The following IL16 variants were observed in gnomAD, a reference collection of about 807,000 sequenced individuals.
The protein encoded by IL16 is pro-interleukin-16.
A neutral mutation model predicts 110.1 loss-of-function variants in IL16; 67 were observed. That is an observed-to-expected ratio of 0.61 (90% CI 0.50 to 0.75). The LOEUF is 0.75. Ranked by LOEUF, IL16 falls within the 30% of genes least tolerant of loss-of-function variation. The pLI is 0.00. For synonymous variants in IL16, 689 were observed against 662.9 expected (o/e 1.04, Z -0.61); for missense variants, 1,545 against 1,655.0 (o/e 0.93, Z 1.15).
intron 3 of IL16, among the ~76,000 whole-genome samples, chr15:81,261,521 A>G (rs922644588): frequency 1.3e-5 from 2 of 152,106 alleles, no homozygotes; most frequent in African/African-American, 2.4e-5. Context: ...GTGCCCCTCT[A>G]TGACAGTAAA....
At chr15:81,295,450 T>C (rs1303113279) in intron 12 of IL16, 2 of 1,289,466 alleles carry the variant, frequency 1.6e-6, no homozygotes, top group South Asian at 1.2e-5. Context: ...TGGTATCACA[T>C]GTGGCTGCCT....
intron 1 of IL16, among the ~76,000 whole-genome samples, chr15:81,210,877 A>G (rs1278041271): frequency 6.6e-6 from 1 of 152,056 alleles, no homozygotes; most frequent in Admixed American, 6.6e-5. Flanking sequence ...TTCCAGTACT[A>G]TGTTGAATAG....
chr15:81,249,284 T>C (rs1333713719), intron 2 of IL16, among the ~76,000 whole-genome samples: 1 of 152,212 alleles, frequency 6.6e-6, no homozygotes, highest in African/African-American at 2.4e-5. Context: ...ATATCAACTC[T>C]TTCTTTTAAT....
intron 10 of IL16, among the ~76,000 whole-genome samples, chr15:81,287,448 G>T (rs978755982): frequency 6.6e-6 from 1 of 152,198 alleles, no homozygotes; most frequent in African/African-American, 2.4e-5. Flanking sequence ...CCTGCTGTTG[G>T]TGAGAGCTCT....
intron 11 of IL16, among the ~76,000 whole-genome samples, chr15:81,291,274 T>C (rs1899704923): frequency 6.6e-6 from 1 of 152,224 alleles, no homozygotes; most frequent in Non-Finnish European, 1.5e-5. Context: ...GTTTATTATT[T>C]CTACCCACCC....
At chr15:81,260,078 G>A (rs999301879) in intron 3 of IL16, among the ~76,000 whole-genome samples, 198 bp downstream of exon 3, 1 of 152,168 alleles carries the variant, frequency 6.6e-6, no homozygotes, top group Non-Finnish European at 1.5e-5. Context: ...GGCTCCAAGT[G>A]CCATGCTGGA....
intron 1 of IL16, among the ~76,000 whole-genome samples, chr15:81,216,583 C>A (rs953020914): frequency 2.6e-5 from 4 of 152,172 alleles, no homozygotes; most frequent in African/African-American, 9.7e-5. Flanking sequence ...CATCTTGTTT[C>A]CGCCTCCTGC....
chr15:81,307,143 T>C (rs1041703564), intron 18 of IL16, among the ~76,000 whole-genome samples: 1 of 152,236 alleles, frequency 6.6e-6, no homozygotes, highest in Admixed American at 6.5e-5. Context: ...CATGAATGAC[T>C]GTGGCTACCA....
intron 12 of IL16, 21 bp downstream of exon 12, chr15:81,293,058 G>A (rs1234428435): frequency 2.5e-6 from 4 of 1,580,934 alleles, no homozygotes; most frequent in Non-Finnish European, 3.4e-6. Flanking sequence ...GGGTCCACAG[G>A]TTGAGTGTTT....
chr15:81,242,188 ATTC>A (rs939898214), intron 2 of IL16, among the ~76,000 whole-genome samples: 1 of 152,102 alleles, frequency 6.6e-6, no homozygotes, highest in African/African-American at 2.4e-5. Flanking sequence ...CGCCCATTTT[ATTC>A]TTCTATTTCA....
At chr15:81,228,249 A>T (rs1567007065) in intron 2 of IL16, among the ~76,000 whole-genome samples, 4 of 151,900 alleles carry the variant, frequency 2.6e-5, no homozygotes, top group Non-Finnish European at 5.9e-5. Flanking sequence ...AGGAGTGGGC[A>T]TGGGGAGGGA....
chr15:81,283,383 A>G (rs1899284425), intron 9 of IL16, among the ~76,000 whole-genome samples: 1 of 152,104 alleles, frequency 6.6e-6, no homozygotes, highest in African/African-American at 2.4e-5. Flanking sequence ...AAACAAAAAA[A>G]AGAGAATGAT....
At position 81,292,908 on chromosome 15, in the gene IL16, G is replaced by C. The variant is rs373206961; in HGVS notation, c.1773G>C (p.Lys591Asn). Residue 591 changes from lysine to asparagine, a missense_variant, in exon 12 of 19, where the codon AAG becomes AAC. Physicochemically the swap from Lys to Asn is moderately conservative, Grantham distance 94 (BLOSUM62 0). This residue lies in a region of IL16 where 1,185 missense variants were observed against 1,238.8 expected (regional missense o/e 0.96). Coordinates refer to ENST00000683961, the MANE Select transcript of IL16 (RefSeq NM_172217.5). ...AATCCTTTGAGATTTTGGTGAGAAA[G>C]CCTATGTCCTCCAAGCCCAAGCCTC... ...LKKSFEILVR[K>N]PMSSKPKPPP... 65 of 1,614,068 alleles carry C rather than the reference G, an allele frequency of 4.0e-5. No homozygotes were observed. Among genetic ancestry groups the C allele is most frequent in the Non-Finnish European group, 5.3e-5 (63 of 1,180,050 alleles).
intron 2 of IL16, among the ~76,000 whole-genome samples, chr15:81,250,703 T>C (rs947304359): frequency 2.0e-5 from 3 of 152,180 alleles, no homozygotes; most frequent in African/African-American, 7.2e-5. Context: ...AAGATGTCCA[T>C]ATGTATTAAT....
At position 81,282,647 on chromosome 15, in the gene IL16, G is replaced by A. The variant is rs770332586; in HGVS notation, c.1090G>A (p.Val364Met). The change falls in exon 9 of 19, where the codon GTG becomes ATG. Residue 364 changes from valine to methionine, a missense_variant. By Grantham distance (21) the Val-to-Met change is conservative. This residue lies in a region of IL16 where 1,185 missense variants were observed against 1,238.8 expected (regional missense o/e 0.96). Transcript: ENST00000683961. ...VEVSLQKEAG[V>M]GLGIGLCSVP... is the part of the protein sequence containing the mutation. ...CCCTGTTCTGCTTCCAGAGGCCGGC[G>A]TGGGCCTGGGCATCGGCCTGTGCAG... is the stretch of plus-strand genomic sequence containing the variant. 9.9e-6 allele frequency: 16 copies of A among 1,612,524 alleles called. No homozygotes were observed. Among genetic ancestry groups the A allele is most frequent in the South Asian group, 2.2e-5 (2 of 91,070 alleles).
At chr15:81,270,880 G>GT (rs1898602018) in intron 5 of IL16, among the ~76,000 whole-genome samples, 1 of 152,186 alleles carries the variant, frequency 6.6e-6, no homozygotes, top group Admixed American at 6.5e-5. Flanking sequence ...GTGATGATGA[G>GT]TTCAGAAATA....
intron 2 of IL16, among the ~76,000 whole-genome samples, chr15:81,247,196 A>T (rs1897593917): frequency 7.3e-6 from 1 of 137,626 alleles, no homozygotes; most frequent in Non-Finnish European, 1.5e-5. Flanking sequence ...GTGTATTTTT[A>T]TTTAATAAAT....
intron 1 of IL16, among the ~76,000 whole-genome samples, chr15:81,207,766 C>A (rs912373063): frequency 6.6e-5 from 10 of 151,616 alleles, no homozygotes; most frequent in African/African-American, 2.4e-4. Flanking sequence ...TTTACTCCAC[C>A]GTTAATAGGT....
rs374947725 is a variant in IL16, at chr15:81,292,585, G to A, written c.1450G>A (p.Gly484Arg). ...CAAAAGGCTGGAAAGCAGTTGGCACGGGCGGCCCACCTTGGAGAAGGAACG... is the reference window on the plus strand; with the variant it reads ...CAAAAGGCTGGAAAGCAGTTGGCACAGGCGGCCCACCTTGGAGAAGGAACG... ...GVKRLESSWH[G>R]RPTLEKEREK... Residue 484 changes from glycine (G) to arginine (R), a missense_variant, in exon 12 of 19, where the codon GGG becomes AGG. Physicochemically the swap from Gly to Arg is moderately radical, Grantham distance 125. This residue lies in a region of IL16 where 1,185 missense variants were observed against 1,238.8 expected (regional missense o/e 0.96). Transcript: ENST00000683961. 3.6e-5 allele frequency: 57 copies of A among 1,605,356 alleles called. No homozygotes were observed. Among genetic ancestry groups the A allele is most frequent in the East Asian group, 1.6e-4 (7 of 44,638 alleles).
Sources: gnomAD v4.1 joint callset for allele counts (sites outside exome capture counted in the v4.1 genomes callset) on GRCh38, gnomAD v4.1.1 for gene constraint, gnomAD v4.1.1 regional missense constraint, MANE v1.5 for transcripts, NCBI Gene and HGNC (gene_info 2026-07-23, HGNC 2026-07-21) for gene names.